The following ADAMTS12 variants were observed in gnomAD, a reference collection of about 807,000 sequenced individuals.
The protein encoded by ADAMTS12 is A disintegrin and metalloproteinase with thrombospondin motifs 12.
ADAMTS12 carries 118 observed loss-of-function variants against 167.8 expected under a neutral mutation model. The observed-to-expected ratio is 0.70, with a 90% confidence interval of 0.61 to 0.82. ADAMTS12 has a LOEUF of 0.82. Ranked by LOEUF, ADAMTS12 falls within the 40% of genes least tolerant of loss-of-function variation. The pLI, the probability that ADAMTS12 is intolerant of heterozygous loss-of-function variation, is 0.00. For synonymous variants in ADAMTS12, 704 were observed against 716.9 expected (o/e 0.98, Z 0.29); for missense variants, 1,916 against 1,998.8 (o/e 0.96, Z 0.79).
chr5:33,686,932 T>TAGAGAG (rs748993264), intron 3 of ADAMTS12, among the ~76,000 whole-genome samples: 5 of 129,762 alleles, frequency 3.9e-5, no homozygotes, highest in African/African-American at 1.5e-4. Flanking sequence ...AATATATATA[T>TAGAGAG]ATATAGAGAG....
At chr5:33,704,322 T>A (rs1341843754) in intron 3 of ADAMTS12, among the ~76,000 whole-genome samples, 2 of 152,204 alleles carry the variant, frequency 1.3e-5, no homozygotes, top group African/African-American at 4.8e-5. Context: ...AAAGCAGATA[T>A]CTCTTGAAGA....
At chr5:33,581,071 C>T (rs1218578774) in intron 18 of ADAMTS12, among the ~76,000 whole-genome samples, 1 of 152,206 alleles carries the variant, frequency 6.6e-6, no homozygotes, top group East Asian at 1.9e-4. Context: ...TGCCTTTTCT[C>T]CTAGTCACTG....
At chr5:33,712,743 C>T (rs1743448969) in intron 3 of ADAMTS12, among the ~76,000 whole-genome samples, 1 of 152,160 alleles carries the variant, frequency 6.6e-6, no homozygotes, top group African/African-American at 2.4e-5. Flanking sequence ...CCTCACAACT[C>T]TTCAGCCTCT....
chr5:33,572,337 C>T (rs1233318939), intron 19 of ADAMTS12, among the ~76,000 whole-genome samples: 4 of 151,922 alleles, frequency 2.6e-5, no homozygotes, highest in African/African-American at 4.8e-5. Context: ...AACATTGATG[C>T]AAAAATCCTC....
Position 33,774,958 on chromosome 5 carries a change from G to A in ADAMTS12, c.490-23410C>T, listed in dbSNP as rs1200686288. Among the ~76,000 whole-genome samples the A allele has an allele frequency of 2.0e-5, 3 of 152,102 alleles. No individual in the cohort carries two copies. The East Asian group carries it at 5.8e-4, about 29-fold the overall frequency. On this transcript the variant is annotated intron_variant, in intron 2 of 23. Coordinates refer to ENST00000504830, the MANE Select transcript of ADAMTS12 (RefSeq NM_030955.4). ...GATGGTGAAAATCATCTAGGTAGACGGAAGGGATGAATGCGGTAAAAATAC... is the reference window on the plus strand; with the variant it reads ...GATGGTGAAAATCATCTAGGTAGACAGAAGGGATGAATGCGGTAAAAATAC...
intron 2 of ADAMTS12, among the ~76,000 whole-genome samples, chr5:33,776,707 A>G (rs1191384161): frequency 6.6e-6 from 1 of 152,134 alleles, no homozygotes; most frequent in African/African-American, 2.4e-5. Context: ...AAGGCAAGAA[A>G]TAATAAAGAT....
At chr5:33,529,972 T>G (rs1561102768) in intron 23 of ADAMTS12, among the ~76,000 whole-genome samples, 2 of 152,130 alleles carry the variant, frequency 1.3e-5, no homozygotes, top group African/African-American at 4.8e-5. Flanking sequence ...CAGGCTGGAG[T>G]GCAGTGGCAC....
intron 20 of ADAMTS12, among the ~76,000 whole-genome samples, chr5:33,560,085 A>G (rs1014977309): frequency 6.6e-6 from 1 of 152,238 alleles, no homozygotes; most frequent in Non-Finnish European, 1.5e-5. Flanking sequence ...AATTGAAGTA[A>G]TATAGAAATA....
chr5:33,570,572 G>T (rs1468789547), intron 19 of ADAMTS12, among the ~76,000 whole-genome samples: 1 of 152,064 alleles, frequency 6.6e-6, no homozygotes, highest in Non-Finnish European at 1.5e-5. Context: ...CACCAGGCCT[G>T]CCCTAAAAGA....
At chr5:33,614,577 A>G (rs1312929797) in intron 15 of ADAMTS12, among the ~76,000 whole-genome samples, 6 of 152,214 alleles carry the variant, frequency 3.9e-5, no homozygotes, top group Non-Finnish European at 8.8e-5. Flanking sequence ...CTATATATCT[A>G]CATCTACCTC....
In ADAMTS12 at chr5:33,752,412, C is replaced by A. The variant is rs145376173; in HGVS notation, c.490-864G>T. ...CATCACATTAAAGTGATCAGGAGCT[C>A]AGACTCGGGAATTAAATTGGGTTCA... On this transcript the variant is annotated intron_variant, in intron 2 of 23. Transcript: ENST00000504830. Among the ~76,000 whole-genome samples, 90 of 152,288 alleles carry A rather than the reference C, an allele frequency of 5.9e-4. No homozygotes were observed. The East Asian group carries it at 0.017, about 28-fold the overall frequency.
chr5:33,842,375 C>G (rs1180850947), intron 2 of ADAMTS12, among the ~76,000 whole-genome samples: 3 of 152,180 alleles, frequency 2.0e-5, no homozygotes, highest in Non-Finnish European at 4.4e-5. Flanking sequence ...ACAAATTATT[C>G]TGCTGAATCA....
At chr5:33,555,596 C>A in intron 20 of ADAMTS12, among the ~76,000 whole-genome samples, 1 of 152,276 alleles carries the variant, frequency 6.6e-6, no homozygotes, top group South Asian at 2.1e-4. Flanking sequence ...TGTCCTACAA[C>A]TGATATACGT....
At chr5:33,805,605 C>T (rs1313058027) in intron 2 of ADAMTS12, among the ~76,000 whole-genome samples, 2 of 152,074 alleles carry the variant, frequency 1.3e-5, no homozygotes, top group African/African-American at 4.8e-5. Flanking sequence ...AAGGGGAGCG[C>T]GTGGAGGCTT....
chr5:33,683,137 G>A (rs1419809217), intron 4 of ADAMTS12, 36 bp from the exon 5 acceptor site: 8 of 1,467,206 alleles, frequency 5.5e-6, no homozygotes, highest in South Asian at 1.2e-5. Flanking sequence ...AGCTCCACAC[G>A]AAGAGATAAT....
intron 7 of ADAMTS12, among the ~76,000 whole-genome samples, chr5:33,655,159 A>G (rs1741007672): frequency 6.6e-6 from 1 of 152,176 alleles, no homozygotes; most frequent in African/African-American, 2.4e-5. Flanking sequence ...TCTAAGGGGC[A>G]GCATTTAATG....
intron 20 of ADAMTS12, among the ~76,000 whole-genome samples, chr5:33,559,193 C>T (rs900423227): frequency 2.0e-5 from 3 of 152,190 alleles, no homozygotes; most frequent in Non-Finnish European, 4.4e-5. Context: ...TTCCCTAAAC[C>T]TCTTGGGTAG....
chr5:33,806,239 C>A (rs773233120), intron 2 of ADAMTS12, among the ~76,000 whole-genome samples: 1 of 152,116 alleles, frequency 6.6e-6, no homozygotes, highest in Non-Finnish European at 1.5e-5. Context: ...AAAAATACTG[C>A]GTGTTTTCAA....
At chr5:33,762,848 A>G (rs1221497705) in intron 2 of ADAMTS12, among the ~76,000 whole-genome samples, 1 of 152,122 alleles carries the variant, frequency 6.6e-6, no homozygotes, top group Admixed American at 6.5e-5. Flanking sequence ...AAAAGAGAGG[A>G]CGGGAGCTGA....
Sources: gnomAD v4.1 joint callset for allele counts (sites outside exome capture counted in the v4.1 genomes callset) on GRCh38, gnomAD v4.1.1 for gene constraint, MANE v1.5 for transcripts, NCBI Gene and HGNC (gene_info 2026-07-23, HGNC 2026-07-21) for gene names.